LEKR1: variants seen among roughly 807,000 people sequenced by gnomAD.
LEKR1 encodes the protein leucine, glutamate and lysine rich 1, also known as protein LEKR1.
A neutral mutation model predicts 72.4 loss-of-function variants in LEKR1; 59 were observed. That is an observed-to-expected ratio of 0.82 (90% CI 0.66 to 1.01). The LOEUF is 1.01. LEKR1 is among the 50% of genes least tolerant of loss of function. The pLI, the probability that LEKR1 is intolerant of heterozygous loss-of-function variation, is 0.00. For missense variants in LEKR1, 728 were observed against 759.2 expected (o/e 0.96, Z 0.48); for synonymous variants, 257 against 263.2 (o/e 0.98, Z 0.23).
At chr3:156,906,103 T>C (rs961041978) in intron 3 of LEKR1, among the ~76,000 whole-genome samples, 7 of 152,136 alleles carry the variant, frequency 4.6e-5, no homozygotes, top group Non-Finnish European at 8.8e-5. Flanking sequence ...TTACAGGTGG[T>C]AAAATCCTCG....
At chr3:156,995,721 A>G (rs1731505271) in intron 9 of LEKR1, among the ~76,000 whole-genome samples, 2 of 152,270 alleles carry the variant, frequency 1.3e-5, no homozygotes, top group South Asian at 4.2e-4. Flanking sequence ...AATCCCAGCT[A>G]CTCAGGAGGC....
At chr3:156,875,992 CAAAAAAAAAAAA>C (rs55816001) in intron 3 of LEKR1, among the ~76,000 whole-genome samples, 4 of 70,188 alleles carry the variant, frequency 5.7e-5, no homozygotes, top group African/African-American at 2.2e-4. Context: ...GACTCCATCT[CAAAAAAAAAAAA>C]AAAAAAAAAA....
At chr3:156,987,320 A>T (rs573985392) in intron 7 of LEKR1, among the ~76,000 whole-genome samples, 1 of 152,306 alleles carries the variant, frequency 6.6e-6, no homozygotes, top group South Asian at 2.1e-4. Context: ...GGAAGGAACC[A>T]TGCTGAGGGG....
At chr3:157,005,929 T>G (rs1457394134) in intron 9 of LEKR1, among the ~76,000 whole-genome samples, 4 of 150,806 alleles carry the variant, frequency 2.7e-5, no homozygotes, top group Admixed American at 2.0e-4. Flanking sequence ...AATAAGCACA[T>G]AAAGTGATGC....
intron 2 of LEKR1, among the ~76,000 whole-genome samples, chr3:156,845,592 C>G (rs1464337832): frequency 6.6e-6 from 1 of 151,432 alleles, no homozygotes; most frequent in Non-Finnish European, 1.5e-5. Flanking sequence ...GTTGAAAAGG[C>G]TATCTTTCTT....
chr3:156,948,881 T>G (rs928777776), intron 6 of LEKR1, among the ~76,000 whole-genome samples: 7 of 151,616 alleles, frequency 4.6e-5, no homozygotes, highest in Non-Finnish European at 1.0e-4. Flanking sequence ...AGGTGATATC[T>G]CATTGGCACT....
chr3:156,865,911 T>G (rs2108544207), intron 3 of LEKR1, among the ~76,000 whole-genome samples: 1 of 152,184 alleles, frequency 6.6e-6, no homozygotes, highest in Non-Finnish European at 1.5e-5. Context: ...TGCCAGATCA[T>G]CAGGAAGACA....
At chr3:156,949,126 C>T (rs1322656078) in intron 6 of LEKR1, among the ~76,000 whole-genome samples, 3 of 151,030 alleles carry the variant, frequency 2.0e-5, no homozygotes, top group South Asian at 4.2e-4. Context: ...TTTACTCTGT[C>T]GATAGTTTCT....
intron 5 of LEKR1, among the ~76,000 whole-genome samples, chr3:156,940,992 G>A (rs1484233608): frequency 2.0e-5 from 3 of 151,996 alleles, no homozygotes; most frequent in Non-Finnish European, 4.4e-5. Flanking sequence ...TACCCAGAAA[G>A]ACTTTTTAGG....
chr3:156,853,007 C>T, intron 3 of LEKR1, 25 bp downstream of exon 3: 1 of 1,452,914 alleles, frequency 6.9e-7, no homozygotes, highest in East Asian at 2.5e-5. Flanking sequence ...TCTTTTCTAT[C>T]ATTTATTTAG....
intron 5 of LEKR1, among the ~76,000 whole-genome samples, chr3:156,933,854 C>T (rs1204620428): frequency 6.6e-6 from 1 of 152,160 alleles, no homozygotes; most frequent in Non-Finnish European, 1.5e-5. Flanking sequence ...CTGACATCCC[C>T]TTTGTGTAGA....
intron 3 of LEKR1, among the ~76,000 whole-genome samples, chr3:156,905,310 A>C (rs897531210): frequency 6.6e-6 from 1 of 152,190 alleles, no homozygotes; most frequent in Non-Finnish European, 1.5e-5. Context: ...ATTATACAGG[A>C]TAATGACTCT....
chr3:156,904,111 A>T (rs941523440), intron 3 of LEKR1, among the ~76,000 whole-genome samples: 55 of 152,348 alleles, frequency 3.6e-4, no homozygotes, highest in African/African-American at 1.3e-3. Flanking sequence ...CAATAGAAGA[A>T]TATTTACCAA....
At chr3:157,007,567 C>T (rs570523704) in intron 9 of LEKR1, among the ~76,000 whole-genome samples, 3 of 152,328 alleles carry the variant, frequency 2.0e-5, no homozygotes, top group Non-Finnish European at 1.5e-5. Context: ...GCTATCCACA[C>T]CTGATTGCTA....
chr3:156,967,167 A>G (rs1291000296), intron 6 of LEKR1, among the ~76,000 whole-genome samples: 1 of 152,224 alleles, frequency 6.6e-6, no homozygotes, highest in African/African-American at 2.4e-5. Flanking sequence ...GTAAAACCAC[A>G]AAGATGGGGA....
chr3:156,867,828 G>A (rs922691125), intron 3 of LEKR1, among the ~76,000 whole-genome samples: 1 of 152,010 alleles, frequency 6.6e-6, no homozygotes, highest in Non-Finnish European at 1.5e-5. Flanking sequence ...TGCATCGTAG[G>A]TGTTAAATAA....
chr3:156,988,671 C>T (rs1470615728), intron 7 of LEKR1: 1 of 237,608 alleles, frequency 4.2e-6, no homozygotes. Flanking sequence ...CACCCAGCTT[C>T]AGGCAAAGTA....
At chr3:156,941,076 T>C (rs534595905) in intron 5 of LEKR1, among the ~76,000 whole-genome samples, 1 of 152,212 alleles carries the variant, frequency 6.6e-6, no homozygotes, top group South Asian at 2.1e-4. Flanking sequence ...TGTGTGTTAG[T>C]AGTTTTCCTC....
intron 3 of LEKR1, among the ~76,000 whole-genome samples, chr3:156,863,934 T>C (rs762088935): frequency 2.0e-5 from 3 of 152,020 alleles, no homozygotes; most frequent in Non-Finnish European, 4.4e-5. Context: ...CCAGGGTTGG[T>C]TGAGTTGACA....
Sources: allele counts gnomAD v4.1 joint callset (sites outside exome capture counted in the v4.1 genomes callset), GRCh38; gene constraint gnomAD v4.1.1; transcripts MANE v1.5; gene names NCBI Gene and HGNC (gene_info 2026-07-23, HGNC 2026-07-21).